The following CRACDL variants were observed in gnomAD, a reference collection of about 807,000 sequenced individuals.
The protein encoded by CRACDL is CRACD-like protein.
A neutral mutation model predicts 70.6 loss-of-function variants in CRACDL; 26 were observed. That is an observed-to-expected ratio of 0.37 (90% confidence interval 0.27 to 0.51). CRACDL has a LOEUF of 0.51. Ranked by LOEUF, CRACDL falls within the 20% of genes least tolerant of loss-of-function variation. CRACDL has a pLI of 0.94. For synonymous variants in CRACDL, 618 were observed against 615.2 expected (o/e 1.00, Z -0.07); for missense variants, 1,283 against 1,376.9 (o/e 0.93, Z 1.08).
chr2:98,824,072 T>C (rs1329127854), intron 6 of CRACDL, among the ~76,000 whole-genome samples: 2 of 152,194 alleles, frequency 1.3e-5, no homozygotes, highest in African/African-American at 4.8e-5. Flanking sequence ...TGTACCCTCA[T>C]AGTAAAGCCA....
chr2:98,869,076 AC>A, intron 1 of CRACDL: 1 of 1,303,592 alleles, frequency 7.7e-7, no homozygotes, highest in Non-Finnish European at 1.0e-6. Flanking sequence ...CAGAGGGCCC[AC>A]CTGGGGTCAG....
chr2:98,935,713 G>T lies in CRACDL; in HGVS notation c.-11+225C>A, dbSNP rs139554022. ...GCAAAGTGAGCAAAGGGAAACTTTG[G>T]GCACTTGCACGAGCGCGTCCGGCTC... On this transcript the variant is annotated intron_variant, in intron 1 of 9. Transcript: ENST00000397899. Among the ~76,000 whole-genome samples, 147 of 152,278 alleles carry T rather than the reference G, an allele frequency of 9.7e-4. 2 individuals carry two copies. The East Asian group carries it at 0.024, about 25-fold the overall frequency.
rs138505916 is a variant in CRACDL, at chr2:98,880,697, C to CA, written c.-10-33888dup. Among the ~76,000 whole-genome samples, 62 of 152,280 alleles carry CA rather than the reference C, an allele frequency of 4.1e-4. 1 individual carries two copies. In the East Asian group the frequency reaches 0.011, roughly 26 times the overall value. ...GAGAGGAGCTGACAAGGTCTCCTCC[C>CA]ACACCTGCATCTAGTTGCTCCAAGG... On this transcript the variant is annotated intron_variant, in intron 1 of 9. Transcript: ENST00000397899.
chr2:98,862,270 C>T (rs1398449435), intron 1 of CRACDL, among the ~76,000 whole-genome samples: 1 of 152,156 alleles, frequency 6.6e-6, no homozygotes, highest in Non-Finnish European at 1.5e-5. Context: ...TTAAAACAAA[C>T]AAACAAAACC....
At chr2:98,923,600 G>A (rs1708851791) in intron 1 of CRACDL, among the ~76,000 whole-genome samples, 1 of 152,118 alleles carries the variant, frequency 6.6e-6, no homozygotes, top group Admixed American at 6.5e-5. Flanking sequence ...TGATGTACAT[G>A]CACTATCTAG....
intron 5 of CRACDL, among the ~76,000 whole-genome samples, chr2:98,830,636 A>G (rs1049784134): frequency 2.0e-5 from 3 of 152,184 alleles, no homozygotes; most frequent in African/African-American, 7.2e-5. Flanking sequence ...TGAAGCTGGT[A>G]GATTGTCCAT....
intron 5 of CRACDL, among the ~76,000 whole-genome samples, chr2:98,831,440 C>T (rs1335756086): frequency 3.3e-5 from 5 of 152,218 alleles, no homozygotes; most frequent in Admixed American, 2.6e-4. Context: ...CGAAGCTCCC[C>T]CTTCACTGTG....
At chr2:98,910,856 C>T (rs950789797) in intron 1 of CRACDL, among the ~76,000 whole-genome samples, 2 of 152,202 alleles carry the variant, frequency 1.3e-5, no homozygotes, top group African/African-American at 2.4e-5. Flanking sequence ...TTACGGGTGA[C>T]AGGAGGATTA....
intron 1 of CRACDL, among the ~76,000 whole-genome samples, chr2:98,869,727 G>A (rs1707277017): frequency 6.6e-6 from 1 of 152,164 alleles, no homozygotes; most frequent in African/African-American, 2.4e-5. Flanking sequence ...TCAGTGCGAG[G>A]GACCCTGTGG....
intron 1 of CRACDL, among the ~76,000 whole-genome samples, chr2:98,926,523 C>G (rs934624701): frequency 1.3e-5 from 2 of 152,206 alleles, no homozygotes; most frequent in South Asian, 4.1e-4. Flanking sequence ...GCAGCTGCCC[C>G]CATGGTCTCC....
At chr2:98,814,347 G>A (rs1043841855) in intron 7 of CRACDL, among the ~76,000 whole-genome samples, 1 of 152,028 alleles carries the variant, frequency 6.6e-6, no homozygotes, top group South Asian at 2.1e-4. Context: ...ATTTTGATAT[G>A]TTGTATTTTC....
chr2:98,903,086 A>G (rs1399901715), intron 1 of CRACDL, among the ~76,000 whole-genome samples: 1 of 151,966 alleles, frequency 6.6e-6, no homozygotes, highest in East Asian at 1.9e-4. Context: ...GCTCCTGCCC[A>G]TTTGCTGTGG....
chr2:98,926,837 C>T (rs1407976722), intron 1 of CRACDL, among the ~76,000 whole-genome samples: 3 of 152,286 alleles, frequency 2.0e-5, no homozygotes, highest in East Asian at 1.9e-4. Flanking sequence ...AAGGGTTGCT[C>T]GGTATTGACT....
At chr2:98,916,726 A>T (rs1708675828) in intron 1 of CRACDL, among the ~76,000 whole-genome samples, 1 of 151,944 alleles carries the variant, frequency 6.6e-6, no homozygotes, top group African/African-American at 2.4e-5. Flanking sequence ...TAAAAGTTCT[A>T]TGCACCCTGG....
chr2:98,797,480 G>A lies in CRACDL; in HGVS notation c.2474C>T (p.Pro825Leu), dbSNP rs1387962880. ...GPGADGQPAP[P>L]WITVTRQKRR... ...CTTCTGCCGAGTGACGGTGATCCAG[G>A]GTGGCGCAGGCTGCCCATCAGCTCC... The change falls in exon 8 of 10, where the codon CCC becomes CTC. Residue 825 changes from proline to leucine, a missense_variant. Around this residue, in one of 2 missense-constraint regions of CRACDL, gnomAD observed 921 missense variants for 881.9 expected, o/e 1.04. Coordinates refer to ENST00000397899, the MANE Select transcript of CRACDL (RefSeq NM_207362.3). 4 of 1,614,112 alleles carry A rather than the reference G, an allele frequency of 2.5e-6. No homozygotes were observed. Among genetic ancestry groups the A allele is most frequent in the African/African-American group, 1.3e-5 (1 of 74,948 alleles).
At chr2:98,816,481 A>C (rs1704788752) in intron 7 of CRACDL, among the ~76,000 whole-genome samples, 1 of 152,196 alleles carries the variant, frequency 6.6e-6, no homozygotes, top group Admixed American at 6.5e-5. Flanking sequence ...TGAGAAGGAA[A>C]GAGAACTGTG....
At position 98,866,621 on chromosome 2, in the gene CRACDL, G is replaced by A. The variant is rs573025838; in HGVS notation, c.-10-19811C>T. Among the ~76,000 whole-genome samples, 67 of 150,794 alleles carry A rather than the reference G, an allele frequency of 4.4e-4. No homozygotes were observed. The South Asian group carries it at 0.012, about 28-fold the overall frequency. ...TCCTGCCTCAGCCTCCTGAGTAGCC[G>A]GGATTACAGGCACGCACCACCACGC... On this transcript the variant is annotated intron_variant, in intron 1 of 9. Transcript: ENST00000397899.
chr2:98,798,953 C>G (rs2678156), intron 7 of CRACDL, among the ~76,000 whole-genome samples: 149,224 of 152,254 alleles, frequency 0.98, 73,163 homozygotes, highest in Middle Eastern at 1. Context: ...CAAAGTGCTG[C>G]AATTACAGGC....
chr2:98,928,626 C>T (rs191709329), intron 1 of CRACDL, among the ~76,000 whole-genome samples: 1 of 152,318 alleles, frequency 6.6e-6, no homozygotes, highest in Non-Finnish European at 1.5e-5. Flanking sequence ...TTCATTCAGT[C>T]ATTTCTGTTC....
Sources: allele counts gnomAD v4.1 joint callset (sites outside exome capture counted in the v4.1 genomes callset), GRCh38; gene constraint gnomAD v4.1.1; regional missense constraint gnomAD v4.1.1; transcripts MANE v1.5; gene names NCBI Gene and HGNC (gene_info 2026-07-23, HGNC 2026-07-21).